Variants in OR4L1 observed in about 807,000 individuals in gnomAD.
The protein encoded by OR4L1 is olfactory receptor 4L1.
For missense variants in OR4L1, 446 were observed against 368.5 expected (o/e 1.21, Z -1.72); for synonymous variants, 156 against 135.3 (o/e 1.15, Z -1.06).
Position 20,060,318 on chromosome 14 carries a change from A to G in OR4L1, c.274A>G (p.Ile92Val), listed in dbSNP as rs777292432. 3 of 1,601,302 alleles carry G rather than the reference A, an allele frequency of 1.9e-6. No individual in the cohort carries two copies. Among genetic ancestry groups the G allele is most frequent in the African/African-American group, 1.3e-5 (1 of 74,432 alleles). Residue 92 changes from isoleucine (I) to valine (V), a missense_variant, in exon 1 of 1, where the codon ATC (isoleucine) becomes GTC (valine). By Grantham distance (29) the Ile-to-Val change is conservative. Coordinates refer to ENST00000315683, the MANE Select transcript of OR4L1 (RefSeq NM_001004717.1). The stretch of plus-strand genomic sequence containing the variant: ...AGATTTGCTCACTGACCACAAGACC[A>G]TCTCTGTGTGGGGCTGCGTGACCCA... ...IIDLLTDHKT[I>V]SVWGCVTQMF...
At position 20,060,975 on chromosome 14, in the gene OR4L1, A is replaced by T; in HGVS notation, c.931A>T (p.Asn311Tyr). ...LRFQYVSSAQ[N>Y]F ...GTTCCAATATGTTAGTTCTGCACAG[A>T]ATTTCTAGATGTTAGCACTATATAA... is the stretch of plus-strand genomic sequence containing the variant. The change falls in exon 1 of 1, where the codon AAT becomes TAT. Residue 311 changes from asparagine (N) to tyrosine (Y), a missense_variant. Coordinates refer to ENST00000315683, the MANE Select transcript of OR4L1 (RefSeq NM_001004717.1). 6.6e-7 allele frequency: 1 copy of T among 1,509,310 alleles called. No individual in the cohort carries two copies. Among genetic ancestry groups the T allele is most frequent in the Non-Finnish European group, 8.9e-7 (1 of 1,126,026 alleles). 93.5% of individuals were successfully genotyped at this position (1,509,310 alleles called of 1,614,324 possible). A position where few individuals can be genotyped will look rare whatever the true frequency, so the allele number is the denominator to read the frequency against.
rs1408825453 is a variant in OR4L1 at position 20,060,357 on chromosome 14, C to T, written c.313C>T (p.His105Tyr). The change falls in exon 1 of 1, where the codon CAC (histidine) becomes TAC (tyrosine). Residue 105 changes from histidine (H) to tyrosine (Y), a missense_variant. Transcript: ENST00000315683. ...WGCVTQMFFM[H>Y]FFGGAEMTLL... is the part of the protein sequence containing the mutation. ...CTGCGTGACCCAGATGTTCTTCATG[C>T]ACTTCTTTGGGGGTGCTGAGATGAC... The T allele has an allele frequency of 1.2e-6, 2 of 1,600,722 alleles. No homozygotes were observed. Among genetic ancestry groups the T allele is most frequent in the Admixed American group, 1.7e-5 (1 of 57,780 alleles).
In OR4L1 at chr14:20,060,440, T is replaced by C. The variant is rs774715496; in HGVS notation, c.396T>C (p.Tyr132=). ...TAGCCATATGTAAACCCCTGCACTA[T>C]AGGACAATCATGAGCCACAAGCTGC... is the stretch of plus-strand genomic sequence containing the variant. The part of the protein sequence containing the change: ...RYVAICKPLH[Y]RTIMSHKLLK... The change falls in exon 1 of 1, where the codon TAT becomes TAC. Residue 132 remains tyrosine, a synonymous_variant. Coordinates refer to ENST00000315683, the MANE Select transcript of OR4L1 (RefSeq NM_001004717.1). 1 of 1,613,282 alleles carries C rather than the reference T, an allele frequency of 6.2e-7. No homozygotes were observed. Among genetic ancestry groups the C allele is most frequent in the Non-Finnish European group, 8.5e-7 (1 of 1,179,680 alleles).
At position 20,060,217 on chromosome 14, in the gene OR4L1, C is replaced by T. The variant is rs1351242552; in HGVS notation, c.173C>T (p.Pro58Leu). The change falls in exon 1 of 1, where the codon CCC (proline) becomes CTC (leucine). Residue 58 changes from proline (P) to leucine (L), a missense_variant. Coordinates refer to ENST00000315683, the MANE Select transcript of OR4L1 (RefSeq NM_001004717.1). ...ACATGTAGGTCAACCCTTCATTCTC[C>T]CTTGTACTTTCTCCTTGGAAATCTC... ...TVTCRSTLHSPLYFLLGNLSF... is the reference protein window; with the variant it reads ...TVTCRSTLHSLLYFLLGNLSF... 2.5e-6 allele frequency: 4 copies of T among 1,606,666 alleles called. No individual in the cohort carries two copies. The South Asian group carries it at 4.5e-5, about 18-fold the overall frequency.
Position 20,060,279 on chromosome 14 carries a change from C to A in OR4L1, c.235C>A (p.Pro79Thr). The A allele has an allele frequency of 6.4e-7, 1 of 1,574,250 alleles. No homozygotes were observed. Among genetic ancestry groups the A allele is most frequent in the Non-Finnish European group, 8.6e-7 (1 of 1,164,886 alleles). Reference sequence around the variant, plus strand: ...CATGTGTCTCTCCACTGCCACAACACCCAAGATGATCATAGATTTGCTCAC... The same window carrying A: ...CATGTGTCTCTCCACTGCCACAACAACCAAGATGATCATAGATTTGCTCAC... The part of the protein sequence containing the change: ...LDMCLSTATT[P>T]KMIIDLLTDH... Residue 79 changes from proline to threonine, a missense_variant, in exon 1 of 1, where the codon CCC (proline) becomes ACC (threonine). By Grantham distance (38) the Pro-to-Thr change is conservative (BLOSUM62 -1). Coordinates refer to ENST00000315683, the MANE Select transcript of OR4L1 (RefSeq NM_001004717.1).
rs753300505 is a variant in OR4L1 at position 20,060,050 on chromosome 14, T to C, written c.6T>C (p.Asp2=). The C allele has an allele frequency of 6.1e-6, 9 of 1,481,608 alleles. No homozygotes were observed. Among genetic ancestry groups the C allele is most frequent in the Non-Finnish European group, 8.1e-6 (9 of 1,107,394 alleles). The allele number at this position is 1,481,608 out of a possible 1,614,324, so 91.8% of individuals were successfully genotyped here. Residue 2 remains aspartate (D), a synonymous_variant, in exon 1 of 1, where the codon GAT becomes GAC. Transcript: ENST00000315683. Reference sequence around the variant, plus strand: ...AACCTTTCTGAGTTGAGTAAATGGATCTTAAAAATGGATCTCTAGTGACCG... The same window carrying C: ...AACCTTTCTGAGTTGAGTAAATGGACCTTAAAAATGGATCTCTAGTGACCG... The part of the protein sequence containing the change: M[D]LKNGSLVTEF...
rs1217044334 is a variant in OR4L1 at position 20,060,257 on chromosome 14, G to A, written c.213G>A (p.Met71Ile). ...TTGGAAATCTCTCTTTTTTGGACAT[G>A]TGTCTCTCCACTGCCACAACACCCA... ...FLLGNLSFLD[M>I]CLSTATTPKM... The change falls in exon 1 of 1, where the codon ATG (methionine) becomes ATA (isoleucine). Residue 71 changes from methionine (M) to isoleucine (I), a missense_variant. Met to Ile is a conservative substitution (Grantham distance 10). Transcript: ENST00000315683. 1 of 1,608,686 alleles carries A rather than the reference G, an allele frequency of 6.2e-7. No homozygotes were observed. The highest frequency in any genetic ancestry group is 8.5e-7 in the Non-Finnish European group (1 of 1,176,964).
Position 20,060,603 on chromosome 14 carries a change from C to G in OR4L1, c.559C>G (p.Leu187Val). 5.0e-6 allele frequency: 8 copies of G among 1,613,172 alleles called. No homozygotes were observed. Among genetic ancestry groups the G allele is most frequent in the Non-Finnish European group, 5.9e-6 (7 of 1,179,476 alleles). ...TTGTGATCTTCCCCTTGTGATCAAG[C>G]TTGCTTGCATTGAAACATACACCCT... is the stretch of plus-strand genomic sequence containing the variant. Reference protein sequence around the residue: ...IFCDLPLVIKLACIETYTLEL... With the variant: ...IFCDLPLVIKVACIETYTLEL... Residue 187 changes from leucine to valine, a missense_variant, in exon 1 of 1, where the codon CTT (leucine) becomes GTT (valine). Physicochemically the swap from Leu to Val is conservative, Grantham distance 32. Coordinates refer to ENST00000315683, the MANE Select transcript of OR4L1 (RefSeq NM_001004717.1).
At position 20,060,594 on chromosome 14, in the gene OR4L1, G is replaced by C; in HGVS notation, c.550G>C (p.Val184Leu). The C allele has an allele frequency of 6.2e-7, 1 of 1,612,940 alleles. No individual in the cohort carries two copies. Among genetic ancestry groups the C allele is most frequent in the Non-Finnish European group, 8.5e-7 (1 of 1,179,446 alleles). The part of the protein sequence containing the change: ...INNIFCDLPL[V>L]IKLACIETYT... ...CAACATATTTTGTGATCTTCCCCTT[G>C]TGATCAAGCTTGCTTGCATTGAAAC... The change falls in exon 1 of 1, where the codon GTG becomes CTG. Residue 184 changes from valine (V) to leucine (L), a missense_variant. Coordinates refer to ENST00000315683, the MANE Select transcript of OR4L1 (RefSeq NM_001004717.1).
At position 20,060,341 on chromosome 14, in the gene OR4L1, C is replaced by A. The variant is rs1220607263; in HGVS notation, c.297C>A (p.Thr99=). 15 of 1,600,626 alleles carry A rather than the reference C, an allele frequency of 9.4e-6. No individual in the cohort carries two copies. The highest frequency in any genetic ancestry group is 1.3e-5 in the African/African-American group (1 of 74,498). ...CCATCTCTGTGTGGGGCTGCGTGAC[C>A]CAGATGTTCTTCATGCACTTCTTTG... ...HKTISVWGCV[T]QMFFMHFFGG... is the part of the protein sequence containing the mutation. Residue 99 remains threonine (T), a synonymous_variant, in exon 1 of 1, where the codon ACC becomes ACA. Transcript: ENST00000315683.
At position 20,060,853 on chromosome 14, in the gene OR4L1, C is replaced by T; in HGVS notation, c.809C>T (p.Thr270Ile). 1 of 1,611,532 alleles carries T rather than the reference C, an allele frequency of 6.2e-7. No individual in the cohort carries two copies. Among genetic ancestry groups the T allele is most frequent in the Non-Finnish European group, 8.5e-7 (1 of 1,178,310 alleles). The change falls in exon 1 of 1, where the codon ACT becomes ATT. Residue 270 changes from threonine (T) to isoleucine (I), a missense_variant. By Grantham distance (89) the Thr-to-Ile change is moderately conservative. Coordinates refer to ENST00000315683, the MANE Select transcript of OR4L1 (RefSeq NM_001004717.1). ...TTCAGTAGTTTGGCAAGCAATAAAA[C>T]TCTTGCCGTATTTTATACAGTTATC... The part of the protein sequence containing the change: ...WPFSSLASNK[T>I]LAVFYTVITP...
In OR4L1 at chr14:20,060,359, C is replaced by G; in HGVS notation, c.315C>G (p.His105Gln). ...WGCVTQMFFM[H>Q]FFGGAEMTLL... Reference sequence around the variant, plus strand: ...GCGTGACCCAGATGTTCTTCATGCACTTCTTTGGGGGTGCTGAGATGACTC... The same window carrying G: ...GCGTGACCCAGATGTTCTTCATGCAGTTCTTTGGGGGTGCTGAGATGACTC... The change falls in exon 1 of 1, where the codon CAC becomes CAG. Residue 105 changes from histidine to glutamine, a missense_variant. Transcript: ENST00000315683. The G allele has an allele frequency of 1.2e-6, 2 of 1,602,270 alleles. No homozygotes were observed. The highest frequency in any genetic ancestry group is 1.7e-6 in the Non-Finnish European group (2 of 1,175,438).
In OR4L1 at chr14:20,060,154, C is replaced by T. The variant is rs1566538344; in HGVS notation, c.110C>T (p.Ala37Val). 5 of 1,604,876 alleles carry T rather than the reference C, an allele frequency of 3.1e-6. No homozygotes were observed. The highest frequency in any genetic ancestry group is 4.3e-6 in the Non-Finnish European group (5 of 1,174,334). Residue 37 changes from alanine (A) to valine (V), a missense_variant, in exon 1 of 1, where the codon GCT becomes GTT. Transcript: ENST00000315683. ...GTGACATTTTCCCTGATCTACGGTG[C>T]TACTGTGATGGGAAACATTCTCATT... ...FFVTFSLIYGATVMGNILIMV... is the reference protein window; with the variant it reads ...FFVTFSLIYGVTVMGNILIMV...
rs767508029 is a variant in OR4L1 at position 20,060,410 on chromosome 14, G to T, written c.366G>T (p.Arg122Ser). Reference protein sequence around the residue: ...MTLLIIMAFDRYVAICKPLHY... With the variant: ...MTLLIIMAFDSYVAICKPLHY... Reference sequence around the variant, plus strand: ...TTCTGATAATCATGGCCTTTGACAGGTATGTAGCCATATGTAAACCCCTGC... The same window carrying T: ...TTCTGATAATCATGGCCTTTGACAGTTATGTAGCCATATGTAAACCCCTGC... Residue 122 changes from arginine to serine, a missense_variant, in exon 1 of 1, where the codon AGG (arginine) becomes AGT (serine). Coordinates refer to ENST00000315683, the MANE Select transcript of OR4L1 (RefSeq NM_001004717.1). 5.0e-5 allele frequency: 81 copies of T among 1,610,708 alleles called. No homozygotes were observed. Among genetic ancestry groups the T allele is most frequent in the Non-Finnish European group, 6.7e-5 (79 of 1,178,666 alleles).
chr14:20,060,442 G>A lies in OR4L1; in HGVS notation c.398G>A (p.Arg133Lys), dbSNP rs1876713465. The A allele has an allele frequency of 1.9e-6, 3 of 1,607,372 alleles. No homozygotes were observed. Among genetic ancestry groups the A allele is most frequent in the Non-Finnish European group, 2.5e-6 (3 of 1,179,634 alleles). Residue 133 changes from arginine (R) to lysine (K), a missense_variant, in exon 1 of 1, where the codon AGG (arginine) becomes AAG (lysine). Arg to Lys is a conservative substitution (Grantham distance 26, BLOSUM62 2). Transcript: ENST00000315683. ...GCCATATGTAAACCCCTGCACTATA[G>A]GACAATCATGAGCCACAAGCTGCTA... Reference protein sequence around the residue: ...YVAICKPLHYRTIMSHKLLKG... With the variant: ...YVAICKPLHYKTIMSHKLLKG...
rs200168075 is a variant in OR4L1, at chr14:20,060,429, C to T, written c.385C>T (p.Pro129Ser). The change falls in exon 1 of 1, where the codon CCC becomes TCC. Residue 129 changes from proline (P) to serine (S), a missense_variant. Pro to Ser is a moderately conservative substitution (Grantham distance 74). Transcript: ENST00000315683. ...TGACAGGTATGTAGCCATATGTAAACCCCTGCACTATAGGACAATCATGAG... is the reference window on the plus strand; with the variant it reads ...TGACAGGTATGTAGCCATATGTAAATCCCTGCACTATAGGACAATCATGAG... ...AFDRYVAICK[P>S]LHYRTIMSHK... is the part of the protein sequence containing the mutation. 4 of 1,612,604 alleles carry T rather than the reference C, an allele frequency of 2.5e-6. No individual in the cohort carries two copies. The highest frequency in any genetic ancestry group is 2.2e-5 in the East Asian group (1 of 44,854).
chr14:20,060,851 A>G lies in OR4L1; in HGVS notation c.807A>G (p.Lys269=), dbSNP rs766506869. Residue 269 remains lysine, a synonymous_variant, in exon 1 of 1, where the codon AAA becomes AAG. Transcript: ENST00000315683. ...CATTCAGTAGTTTGGCAAGCAATAA[A>G]ACTCTTGCCGTATTTTATACAGTTA... ...VWPFSSLASN[K]TLAVFYTVIT... The G allele has an allele frequency of 5.6e-6, 9 of 1,612,310 alleles. No homozygotes were observed. The highest frequency in any genetic ancestry group is 5.9e-6 in the Non-Finnish European group (7 of 1,179,090).
Position 20,060,200 on chromosome 14 carries a change from G to C in OR4L1, c.156G>C (p.Arg52Ser), listed in dbSNP as rs1959630. 23 of 1,607,690 alleles carry C rather than the reference G, an allele frequency of 1.4e-5. No homozygotes were observed. The highest frequency in any genetic ancestry group is 2.2e-5 in the East Asian group (1 of 44,804). The change falls in exon 1 of 1, where the codon AGG becomes AGC. Residue 52 changes from arginine (R) to serine (S), a missense_variant. Transcript: ENST00000315683. ...NILIMVTVTC[R>S]STLHSPLYFL... ...TCATTATGGTCACAGTGACATGTAG[G>C]TCAACCCTTCATTCTCCCTTGTACT...
Position 20,060,253 on chromosome 14 carries a change from A to C in OR4L1, c.209A>C (p.Asp70Ala). 6.2e-7 allele frequency: 1 copy of C among 1,608,256 alleles called. No individual in the cohort carries two copies. Among genetic ancestry groups the C allele is most frequent in the Non-Finnish European group, 8.5e-7 (1 of 1,176,610 alleles). ...YFLLGNLSFL[D>A]MCLSTATTPK... ...CTCCTTGGAAATCTCTCTTTTTTGGACATGTGTCTCTCCACTGCCACAACA... is the reference window on the plus strand; with the variant it reads ...CTCCTTGGAAATCTCTCTTTTTTGGCCATGTGTCTCTCCACTGCCACAACA... The change falls in exon 1 of 1, where the codon GAC (aspartate) becomes GCC (alanine). Residue 70 changes from aspartate to alanine, a missense_variant. By Grantham distance (126) the Asp-to-Ala change is moderately radical. Transcript: ENST00000315683.
Sources: allele counts gnomAD v4.1 joint callset, GRCh38; gene constraint gnomAD v4.1.1; transcripts MANE v1.5; gene names NCBI Gene and HGNC (gene_info 2026-07-23, HGNC 2026-07-21).